The following RSPH14 variants were observed in gnomAD, a reference collection of about 807,000 sequenced individuals.
RSPH14 encodes the protein rhabdoid tumor deletion region gene 1.
A neutral mutation model predicts 26.7 loss-of-function variants in RSPH14; 20 were observed. That is an observed-to-expected ratio of 0.75 (90% CI 0.53 to 1.09). The LOEUF (loss-of-function observed/expected upper bound fraction) is 1.09, where lower values mean the gene tolerates loss of function less well. RSPH14 is among the 50% of genes least tolerant of loss of function. The pLI, the probability that RSPH14 is intolerant of heterozygous loss-of-function variation, is 0.00. For synonymous variants in RSPH14, 177 were observed against 189.3 expected (o/e 0.93, Z 0.53); for missense variants, 449 against 457.2 (o/e 0.98, Z 0.16).
chr22:23,148,516 C>G (rs1167865754), upstream of RSPH14, among the ~76,000 whole-genome samples: 1 of 152,158 alleles, frequency 6.6e-6, no homozygotes, highest in East Asian at 1.9e-4. Flanking sequence ...GCACCCTACC[C>G]CAGGGAAGCA....
the RSPH14 span, chr22:23,150,111 C>T: frequency 3.7e-6 from 6 of 1,612,622 alleles, no homozygotes; most frequent in Admixed American, 8.4e-5. Flanking sequence ...CTTCCACGGG[C>T]AGGTCAGCGC....
At chr22:23,150,055 CTT>C in the RSPH14 span, 1 of 1,601,210 alleles carries the variant, frequency 6.2e-7, no homozygotes, top group Non-Finnish European at 8.5e-7. Context: ...CTGTCTGTCT[CTT>C]TGCAGTGGTA....
intron 4 of RSPH14, chr22:23,123,698 G>C: frequency 2.0e-6 from 1 of 490,588 alleles, no homozygotes. Flanking sequence ...TTGAAGACTT[G>C]AGAAGCTGTC....
At chr22:23,158,812 C>G in the RSPH14 span, 1 of 1,205,218 alleles carries the variant, frequency 8.3e-7, no homozygotes, top group Non-Finnish European at 1.2e-6. Context: ...GCACTTCAGC[C>G]CTGGGGAGGT....
intron 4 of RSPH14, among the ~76,000 whole-genome samples, chr22:23,119,474 C>T (rs976336950): frequency 9.9e-5 from 15 of 152,232 alleles, no homozygotes; most frequent in Non-Finnish European, 1.9e-4. Flanking sequence ...GGCCTCTGGT[C>T]TAGGAACAAA....
the RSPH14 span, among the ~76,000 whole-genome samples, chr22:23,167,711 ATTTT>A: frequency 6.3e-3 from 911 of 145,756 alleles, 4 homozygotes; most frequent in Middle Eastern, 0.021. Context: ...TAATTAATTT[ATTTT>A]TTTTTTTAAG....
intron 4 of RSPH14, among the ~76,000 whole-genome samples, chr22:23,083,466 G>A (rs929556888): frequency 6.6e-6 from 1 of 152,098 alleles, no homozygotes; most frequent in African/African-American, 2.4e-5. Context: ...GGAAGCTTCC[G>A]AGCTCTGTAC....
chr22:23,087,393 G>T (rs2068849234), intron 4 of RSPH14, among the ~76,000 whole-genome samples: 1 of 152,156 alleles, frequency 6.6e-6, no homozygotes, highest in Admixed American at 6.5e-5. Context: ...GAGCCCGGGG[G>T]GTTGAGGCTG....
At chr22:23,065,273 G>C (rs2146215873) in intron 4 of RSPH14, among the ~76,000 whole-genome samples, 1 of 152,150 alleles carries the variant, frequency 6.6e-6, no homozygotes, top group East Asian at 1.9e-4. Flanking sequence ...CAGGGTGATG[G>C]GGTAGAAAGG....
chr22:23,079,629 G>A (rs1302397242), intron 4 of RSPH14, among the ~76,000 whole-genome samples: 2 of 152,242 alleles, frequency 1.3e-5, no homozygotes, highest in Non-Finnish European at 2.9e-5. Context: ...TTACAAGGAT[G>A]CCCCTGGCTG....
At chr22:23,096,949 G>A (rs2069143413) in intron 4 of RSPH14, among the ~76,000 whole-genome samples, 1 of 152,244 alleles carries the variant, frequency 6.6e-6, no homozygotes, top group Non-Finnish European at 1.5e-5. Context: ...GAAGCGGTGG[G>A]GGCTTGAGAG....
intron 4 of RSPH14, among the ~76,000 whole-genome samples, chr22:23,126,518 C>G (rs1297366813): frequency 6.6e-6 from 1 of 152,210 alleles, no homozygotes; most frequent in Non-Finnish European, 1.5e-5. Context: ...TGTCAGGGCT[C>G]CAGGGTCGAG....
chr22:23,069,702 G>T (rs1285914157), intron 4 of RSPH14, among the ~76,000 whole-genome samples: 2 of 152,184 alleles, frequency 1.3e-5, no homozygotes, highest in Non-Finnish European at 2.9e-5. Flanking sequence ...CCTAGACACT[G>T]GGCGGTGGCG....
upstream of RSPH14, among the ~76,000 whole-genome samples, chr22:23,144,092 CAAAAAAAAAAAAAAAA>C (rs35499128): frequency 2.5e-4 from 6 of 24,178 alleles, 1 homozygote; most frequent in African/African-American, 5.6e-4. Context: ...GACTCCATCT[CAAAAAAAAAAAAAAAA>C]AAAAAAAAAA....
intron 4 of RSPH14, among the ~76,000 whole-genome samples, chr22:23,084,479 C>G (rs762007754): frequency 6.6e-6 from 1 of 152,184 alleles, no homozygotes; most frequent in Non-Finnish European, 1.5e-5. Flanking sequence ...TTTATCAGGA[C>G]ATAACCCCAT....
chr22:23,138,862 T>G lies in RSPH14; in HGVS notation c.280A>C (p.Thr94Pro), dbSNP rs1601866503. Residue 94 changes from threonine (T) to proline (P), a missense_variant, in exon 3 of 7, where the codon ACG (threonine) becomes CCG (proline). By Grantham distance (38) the Thr-to-Pro change is conservative (BLOSUM62 -1). Coordinates refer to ENST00000216036, the MANE Select transcript of RSPH14 (RefSeq NM_014433.3). ...RIKTTEVLHITASHSVGRYAF... is the reference protein window; with the variant it reads ...RIKTTEVLHIPASHSVGRYAF... ...CACCTGCCCACGCTATGGCTTGCCG[T>G]GATGTGGAGCACCTCGGTGGTCTTT... The G allele has an allele frequency of 6.4e-7, 1 of 1,551,452 alleles. No individual in the cohort carries two copies. Among genetic ancestry groups the G allele is most frequent in the Non-Finnish European group, 8.7e-7 (1 of 1,147,210 alleles).
At chr22:23,179,594 A>G in the RSPH14 span, 3 of 152,460 alleles carry the variant, frequency 2.0e-5, no homozygotes, top group Non-Finnish European at 2.9e-5. Context: ...AGCTCAAGAG[A>G]GGCCAGGGGA....
At chr22:23,162,067 G>A in the RSPH14 span, 1 of 168,448 alleles carries the variant, frequency 5.9e-6, no homozygotes, top group African/African-American at 2.4e-5. Context: ...CCCCCTGGGA[G>A]TTTTCTGTTG....
chr22:23,118,752 G>T (rs885963), intron 4 of RSPH14, among the ~76,000 whole-genome samples: 72,404 of 152,112 alleles, frequency 0.48, 18,102 homozygotes, highest in Middle Eastern at 0.57. Flanking sequence ...ACTACCATGG[G>T]GCAGGGCCAC....
Sources: gnomAD v4.1 joint callset for allele counts (sites outside exome capture counted in the v4.1 genomes callset) on GRCh38, gnomAD v4.1.1 for gene constraint, MANE v1.5 for transcripts, NCBI Gene and HGNC (gene_info 2026-07-23, HGNC 2026-07-21) for gene names.